Variants in SGMS1 observed in about 807,000 individuals in gnomAD.
The protein encoded by SGMS1 is sphingomyelin synthase 1, also known as phosphatidylcholine:ceramide cholinephosphotransferase 1.
A neutral mutation model predicts 46.2 loss-of-function variants in SGMS1; 13 were observed. That is an observed-to-expected ratio of 0.28 (90% confidence interval 0.18 to 0.45). The LOEUF (loss-of-function observed/expected upper bound fraction) is 0.45, where lower values mean the gene tolerates loss of function less well. Among genes scored for constraint, SGMS1 ranks in the 20% least tolerant of loss-of-function variants. The pLI, the probability that SGMS1 is intolerant of heterozygous loss-of-function variation, is 1.00. For missense variants in SGMS1, 324 were observed against 519.9 expected (o/e 0.62, Z 3.66); for synonymous variants, 203 against 187.8 (o/e 1.08, Z -0.66).
chr10:50,372,274 T>C lies in SGMS1; in HGVS notation c.-231-27929A>G, dbSNP rs141626773. On this transcript the variant is annotated intron_variant, in intron 6 of 10. Coordinates refer to ENST00000361781, the MANE Select transcript of SGMS1 (RefSeq NM_147156.4). ...CTTATTAAATCTAGATTCTTCACAGTATGAGACCTATTATATTAACTTCCT... is the reference window on the plus strand; with the variant it reads ...CTTATTAAATCTAGATTCTTCACAGCATGAGACCTATTATATTAACTTCCT... 2.4e-3 allele frequency among the ~76,000 whole-genome samples: 369 copies of C among 152,344 alleles called. 1 individual carries two copies. Among genetic ancestry groups the C allele is most frequent in the African/African-American group, 8.4e-3 (348 of 41,576 alleles).
intron 6 of SGMS1, among the ~76,000 whole-genome samples, chr10:50,404,817 T>A (rs1256113778): frequency 6.6e-6 from 1 of 151,962 alleles, no homozygotes; most frequent in Non-Finnish European, 1.5e-5. Flanking sequence ...TATTAAAACA[T>A]CCAGAAAAAA....
intron 3 of SGMS1, chr10:50,473,838 T>G (rs1015008582): frequency 1.3e-5 from 2 of 152,190 alleles, no homozygotes; most frequent in Non-Finnish European, 2.9e-5. Context: ...CATAGCTGAT[T>G]GGACCCGAAA....
intron 6 of SGMS1, among the ~76,000 whole-genome samples, chr10:50,389,148 C>T (rs1450229548): frequency 6.6e-6 from 1 of 152,056 alleles, no homozygotes; most frequent in African/African-American, 2.4e-5. Context: ...CAACTGTCTT[C>T]CTGAATATTT....
chr10:50,515,938 G>A (rs1190343019), intron 3 of SGMS1, among the ~76,000 whole-genome samples: 1 of 152,098 alleles, frequency 6.6e-6, no homozygotes, highest in Non-Finnish European at 1.5e-5. Flanking sequence ...CGCAGAGCTC[G>A]GCATTTCCTA....
At chr10:50,427,910 G>C (rs1849349983) in intron 6 of SGMS1, among the ~76,000 whole-genome samples, 1 of 152,106 alleles carries the variant, frequency 6.6e-6, no homozygotes, top group Non-Finnish European at 1.5e-5. Flanking sequence ...AAAGACAGCA[G>C]TGGAACAGTT....
chr10:50,373,940 T>C (rs1023988648), intron 6 of SGMS1, among the ~76,000 whole-genome samples: 3 of 152,202 alleles, frequency 2.0e-5, no homozygotes, highest in African/African-American at 7.2e-5. Context: ...ACACATTATA[T>C]AGACATCCTG....
intron 3 of SGMS1, among the ~76,000 whole-genome samples, chr10:50,488,028 T>TTG (rs1564926600): frequency 1.3e-4 from 18 of 137,410 alleles, no homozygotes; most frequent in African/African-American, 4.4e-4. Flanking sequence ...TTTATTTATT[T>TTG]ATTGAGACTG....
intron 2 of SGMS1, among the ~76,000 whole-genome samples, chr10:50,574,963 G>GTATATATATATATATATATAAATATATA (rs1838369073): frequency 2.0e-5 from 2 of 99,864 alleles, no homozygotes; most frequent in Admixed American, 2.4e-4. Flanking sequence ...AAAATGTGGT[G>GTATATATATATATATATATAAATATATA]TATATATATA....
At chr10:50,614,487 A>T (rs747293310) in intron 1 of SGMS1, among the ~76,000 whole-genome samples, 6 of 152,232 alleles carry the variant, frequency 3.9e-5, no homozygotes, top group Non-Finnish European at 8.8e-5. Flanking sequence ...TGCTGATGGC[A>T]GTGGTTGGCA....
chr10:50,429,734 CACACACA>C (rs763240291), intron 6 of SGMS1, among the ~76,000 whole-genome samples: 5 of 32,846 alleles, frequency 1.5e-4, no homozygotes, highest in African/African-American at 2.7e-4. Flanking sequence ...CACACACACA[CACACACA>C]TACTCTTTTC....
At chr10:50,549,378 C>T (rs1225943826) in intron 2 of SGMS1, among the ~76,000 whole-genome samples, 1 of 152,208 alleles carries the variant, frequency 6.6e-6, no homozygotes, top group Non-Finnish European at 1.5e-5. Context: ...GGAATGAGAT[C>T]ATGCCCTTTG....
intron 3 of SGMS1, among the ~76,000 whole-genome samples, chr10:50,502,878 A>T (rs1837673630): frequency 6.6e-6 from 1 of 152,230 alleles, no homozygotes; most frequent in Admixed American, 6.5e-5. Context: ...CACCCAAAAA[A>T]AATTCTCAGC....
chr10:50,392,482 G>T (rs1485402175), intron 6 of SGMS1, among the ~76,000 whole-genome samples: 1 of 152,118 alleles, frequency 6.6e-6, no homozygotes, highest in Non-Finnish European at 1.5e-5. Context: ...AGGTAGCAGT[G>T]ATACCTCTGG....
chr10:50,492,095 A>G (rs1022643062), intron 3 of SGMS1, among the ~76,000 whole-genome samples: 1 of 152,266 alleles, frequency 6.6e-6, no homozygotes, highest in East Asian at 1.9e-4. Context: ...GACGCAGAAA[A>G]GGGTTTTGAT....
chr10:50,336,696 A>G (rs1847722731), intron 7 of SGMS1, among the ~76,000 whole-genome samples: 1 of 152,208 alleles, frequency 6.6e-6, no homozygotes, highest in African/African-American at 2.4e-5. Flanking sequence ...CTATAATACC[A>G]GGAAATTTAT....
Position 50,348,494 on chromosome 10 carries a change from A to AAAT in SGMS1, c.-231-4152_-231-4150dup, listed in dbSNP as rs1382515709. Among the ~76,000 whole-genome samples the AAAT allele has an allele frequency of 2.0e-5, 3 of 152,152 alleles. No homozygotes were observed. The East Asian group carries it at 5.8e-4, about 29-fold the overall frequency. ...CTCAGGATACAAAATCAATGTGCAAAAATTACTAGCATTCCTATACACTGA... is the reference window on the plus strand; with the variant it reads ...CTCAGGATACAAAATCAATGTGCAAAAATAATTACTAGCATTCCTATACACTGA... On this transcript the variant is annotated intron_variant, in intron 6 of 10. Coordinates refer to ENST00000361781, the MANE Select transcript of SGMS1 (RefSeq NM_147156.4).
At chr10:50,427,214 T>C (rs534685788) in intron 6 of SGMS1, among the ~76,000 whole-genome samples, 2 of 152,076 alleles carry the variant, frequency 1.3e-5, no homozygotes, top group Non-Finnish European at 2.9e-5. Context: ...CTGGCTAACA[T>C]GTTGAAACCC....
chr10:50,615,252 C>T (rs1369298630), intron 1 of SGMS1, among the ~76,000 whole-genome samples: 1 of 152,192 alleles, frequency 6.6e-6, no homozygotes, highest in Non-Finnish European at 1.5e-5. Context: ...CCAGGTCTTT[C>T]CGGACAAAAG....
At chr10:50,507,815 A>G (rs1190761008) in intron 3 of SGMS1, among the ~76,000 whole-genome samples, 6 of 152,164 alleles carry the variant, frequency 3.9e-5, no homozygotes, top group Admixed American at 3.9e-4. Context: ...AAGTCCCCAG[A>G]TGGCTTCATG....
Sources: allele counts gnomAD v4.1 joint callset (sites outside exome capture counted in the v4.1 genomes callset), GRCh38; gene constraint gnomAD v4.1.1; transcripts MANE v1.5; gene names NCBI Gene and HGNC (gene_info 2026-07-23, HGNC 2026-07-21).